The following RPS6KA2 variants were observed in gnomAD, a reference collection of about 807,000 sequenced individuals.
The protein encoded by RPS6KA2 is ribosomal protein S6 kinase A2, also known as ribosomal protein S6 kinase alpha-2.
Under a neutral mutation model 91.8 loss-of-function variants are expected in RPS6KA2, and 42 were observed. That is an observed-to-expected ratio of 0.46 (90% CI 0.36 to 0.59). The LOEUF (loss-of-function observed/expected upper bound fraction) is 0.59, where lower values mean the gene tolerates loss of function less well. RPS6KA2 is among the 20% of genes least tolerant of loss of function. The pLI, the probability that RPS6KA2 is intolerant of heterozygous loss-of-function variation, is 0.00. For synonymous variants in RPS6KA2, 414 were observed against 393.6 expected (o/e 1.05, Z -0.61); for missense variants, 798 against 978.5 (o/e 0.82, Z 2.46).
At chr6:166,567,439 G>A (rs1431504583) in intron 1 of RPS6KA2, among the ~76,000 whole-genome samples, 1 of 152,238 alleles carries the variant, frequency 6.6e-6, no homozygotes, top group African/African-American at 2.4e-5. Context: ...GGCCACGTGA[G>A]AGCAGCTGTC....
At chr6:166,436,963 C>T (rs577183837) in intron 14 of RPS6KA2, among the ~76,000 whole-genome samples, 20 of 152,324 alleles carry the variant, frequency 1.3e-4, no homozygotes, top group East Asian at 5.8e-4. Context: ...TCTGACCCAG[C>T]GTTTCCGTCC....
intron 1 of RPS6KA2, among the ~76,000 whole-genome samples, chr6:166,609,292 G>A (rs981647725): frequency 2.6e-5 from 4 of 152,082 alleles, no homozygotes; most frequent in African/African-American, 7.2e-5. Flanking sequence ...ACTGGGTTCC[G>A]GGTGTGAGAT....
intron 1 of RPS6KA2, among the ~76,000 whole-genome samples, chr6:166,570,615 T>C (rs868461566): frequency 1.3e-5 from 2 of 152,148 alleles, no homozygotes; most frequent in Non-Finnish European, 2.9e-5. Flanking sequence ...CTAAAATAAA[T>C]ACAGCAGATC....
At chr6:166,817,431 A>G (rs79900873) in intron 2 of RPS6KA2, among the ~76,000 whole-genome samples, 5,093 of 152,224 alleles carry the variant, frequency 0.033, 292 homozygotes, top group African/African-American at 0.12. Flanking sequence ...CCTAAACCAT[A>G]AAACAGTAGA....
exon 1 of RPS6KA2, chr6:166,862,370 G>A (rs1781067798): frequency 7.1e-6 from 10 of 1,411,672 alleles, no homozygotes; most frequent in African/African-American, 1.4e-5. Flanking sequence ...GCCGGAGGAG[G>A]GACCCGGGGG....
chr6:166,803,304 C>T (rs1167976129), intron 2 of RPS6KA2, among the ~76,000 whole-genome samples: 1 of 152,180 alleles, frequency 6.6e-6, no homozygotes, highest in African/African-American at 2.4e-5. Context: ...CAAAAATTGA[C>T]GACTGTAAGT....
At chr6:166,553,514 TAAA>T (rs11348364) in intron 1 of RPS6KA2, among the ~76,000 whole-genome samples, 1 of 136,238 alleles carries the variant, frequency 7.3e-6, no homozygotes, top group Non-Finnish European at 1.6e-5. Flanking sequence ...AGGAGTCATT[TAAA>T]AAAAAAAAAA....
At chr6:166,748,187 G>A (rs762797992) in intron 2 of RPS6KA2, among the ~76,000 whole-genome samples, 3 of 152,174 alleles carry the variant, frequency 2.0e-5, no homozygotes, top group Non-Finnish European at 4.4e-5. Flanking sequence ...AGCAACCGTA[G>A]AGGAAGCTGG....
chr6:166,815,514 A>G (rs1224983317), intron 2 of RPS6KA2, among the ~76,000 whole-genome samples: 1 of 152,162 alleles, frequency 6.6e-6, no homozygotes, highest in African/African-American at 2.4e-5. Context: ...AATACACTCT[A>G]CCAAAATCAT....
chr6:166,633,194 T>C (rs947152137), intron 2 of RPS6KA2, among the ~76,000 whole-genome samples: 1 of 152,204 alleles, frequency 6.6e-6, no homozygotes, highest in African/African-American at 2.4e-5. Flanking sequence ...CACTCCAGCC[T>C]GGGTAACAGA....
intron 1 of RPS6KA2, among the ~76,000 whole-genome samples, chr6:166,619,915 C>T (rs942899850): frequency 6.6e-6 from 1 of 152,314 alleles, no homozygotes; most frequent in South Asian, 2.1e-4. Flanking sequence ...TCTACCATAA[C>T]CATTCCAAAA....
intron 1 of RPS6KA2, among the ~76,000 whole-genome samples, chr6:166,593,496 G>A (rs1318727850): frequency 6.6e-6 from 1 of 152,152 alleles, no homozygotes; most frequent in Admixed American, 6.5e-5. Flanking sequence ...GCACAGTACA[G>A]GCAACCAGGT....
At position 166,469,696 on chromosome 6, in the gene RPS6KA2, TC is replaced by T. The variant is rs1318422836; in HGVS notation, c.972+144del. On this transcript the variant is annotated intron_variant, in intron 11 of 20. Transcript: ENST00000265678. Reference sequence around the variant, plus strand: ...GCCCGCTCAGCAGGGTCCTGGGGGCTCCCTGCCTGCAGGTGGCTTGTCTACA... The same window carrying T: ...GCCCGCTCAGCAGGGTCCTGGGGGCTCCTGCCTGCAGGTGGCTTGTCTACA... 30 of 759,766 alleles carry T rather than the reference TC, an allele frequency of 3.9e-5. No individual in the cohort carries two copies. The African/African-American group carries it at 4.5e-4, about 11-fold the overall frequency. 47.1% of individuals were successfully genotyped at this position (759,766 alleles called of 1,614,324 possible).
At chr6:166,422,596 G>A (rs1403893778) in intron 17 of RPS6KA2, among the ~76,000 whole-genome samples, 1 of 152,138 alleles carries the variant, frequency 6.6e-6, no homozygotes, top group Non-Finnish European at 1.5e-5. Context: ...GCAAGAAATT[G>A]GGCTTAGATT....
At chr6:166,594,034 C>T (rs1379667863) in intron 1 of RPS6KA2, among the ~76,000 whole-genome samples, 1 of 152,146 alleles carries the variant, frequency 6.6e-6, no homozygotes, top group Admixed American at 6.5e-5. Flanking sequence ...GTGTTCAAGA[C>T]CGTTCATCAT....
chr6:166,459,626 A>G lies in RPS6KA2; in HGVS notation c.973-75T>C. 2 of 1,046,002 alleles carry G rather than the reference A, an allele frequency of 1.9e-6. No homozygotes were observed. Among genetic ancestry groups the G allele is most frequent in the Non-Finnish European group, 2.9e-6 (2 of 684,754 alleles). The allele number at this position is 1,046,002 out of a possible 1,614,324, so 64.8% of individuals were successfully genotyped here. A position where few individuals can be genotyped will look rare whatever the true frequency, so the allele number is the denominator to read the frequency against. ...GCCACAGAACACTGGGGACAGAGAA[A>G]CCTGCTGTGGGGAGGGAAGGATGTT... is the stretch of plus-strand genomic sequence containing the variant. On this transcript the variant is annotated intron_variant, in intron 11 of 20. Coordinates refer to ENST00000265678, the MANE Select transcript of RPS6KA2 (RefSeq NM_021135.6). This position sits in a 1 kb window ranked among gnomAD's most constrained non-coding sequence, Gnocchi z 4.9.
At chr6:166,449,870 C>G (rs113505350) in intron 13 of RPS6KA2, among the ~76,000 whole-genome samples, 1 of 72,162 alleles carries the variant, frequency 1.4e-5, no homozygotes, top group Non-Finnish European at 3.3e-5. Flanking sequence ...TGGGAACCAC[C>G]ACGCGGACCA....
At chr6:166,653,470 C>T (rs540730425) in intron 2 of RPS6KA2, among the ~76,000 whole-genome samples, 4 of 152,318 alleles carry the variant, frequency 2.6e-5, no homozygotes, top group South Asian at 2.1e-4. Flanking sequence ...CACGAGAAGA[C>T]GGAATCGACA....
intron 8 of RPS6KA2, among the ~76,000 whole-genome samples, chr6:166,497,633 C>A (rs556467230): frequency 6.6e-6 from 1 of 152,168 alleles, no homozygotes; most frequent in Non-Finnish European, 1.5e-5. Flanking sequence ...GGGCACCAGC[C>A]GGGGGTTCTC....
Sources: allele counts gnomAD v4.1 joint callset (sites outside exome capture counted in the v4.1 genomes callset), GRCh38; gene constraint gnomAD v4.1.1; non-coding constraint Gnocchi (gnomAD v3.1); transcripts MANE v1.5; gene names NCBI Gene and HGNC (gene_info 2026-07-23, HGNC 2026-07-21).